GLTP: variants seen among roughly 807,000 people sequenced by gnomAD.
The protein encoded by GLTP is glycolipid transfer protein.
GLTP carries 22 observed loss-of-function variants against 24.0 expected under a neutral mutation model. The ratio of observed to expected loss-of-function variants is 0.92; its 90% CI spans 0.65 to 1.31. GLTP has a LOEUF of 1.31. GLTP is among the 50% of genes most tolerant of loss of function. GLTP has a pLI of 0.00. For synonymous variants in GLTP, 92 were observed against 115.9 expected, an observed-to-expected ratio of 0.79 and a Z score of 1.33; for missense variants, 224 against 276.6, an observed-to-expected ratio of 0.81 and a Z score of 1.35.
At chr12:109,853,926 T>A (rs1044631174) in intron 4 of GLTP, among the ~76,000 whole-genome samples, 12 of 151,250 alleles carry the variant, frequency 7.9e-5, no homozygotes, top group African/African-American at 2.4e-4. Flanking sequence ...GTATTTTTAG[T>A]AGAGATGGTG....
At chr12:109,852,921 A>G (rs1892745813) in intron 4 of GLTP, among the ~76,000 whole-genome samples, 184 bp from the exon 5 acceptor site, 1 of 150,880 alleles carries the variant, frequency 6.6e-6, no homozygotes, top group South Asian at 2.1e-4. Context: ...GAAGGACATC[A>G]GCTTTCGGGA....
At chr12:109,874,217 T>C (rs147398771) in intron 1 of GLTP, among the ~76,000 whole-genome samples, 2 of 152,298 alleles carry the variant, frequency 1.3e-5, no homozygotes, top group Non-Finnish European at 2.9e-5. Flanking sequence ...TAGTCTGGCT[T>C]TACTGGTCAC....
chr12:109,868,959 A>C, intron 1 of GLTP, among the ~76,000 whole-genome samples: 1 of 152,134 alleles, frequency 6.6e-6, no homozygotes, highest in East Asian at 1.9e-4. Flanking sequence ...TCTACTACCT[A>C]AAGAGGAAAG....
rs900334487 is a variant in GLTP, at chr12:109,857,698, G to A, written c.163-39C>T. On this transcript the variant is annotated intron_variant, in intron 2 of 4. Coordinates refer to ENST00000318348, the MANE Select transcript of GLTP (RefSeq NM_016433.4). This position sits in a 1 kb window ranked among gnomAD's most constrained non-coding sequence, Gnocchi z 4.3. ...CACAAGATTTCCCCTTGGGTAAGCT[G>A]CCCCCATAGACATCTGGCCCGCACG... 1 of 1,612,854 alleles carries A rather than the reference G, an allele frequency of 6.2e-7. No individual in the cohort carries two copies. The highest frequency in any genetic ancestry group is 8.5e-7 in the Non-Finnish European group (1 of 1,178,858).
chr12:109,877,753 C>A (rs536169400), intron 1 of GLTP, among the ~76,000 whole-genome samples: 1 of 152,230 alleles, frequency 6.6e-6, no homozygotes, highest in South Asian at 2.1e-4. Context: ...TGACCAGACG[C>A]TCCCAAGATC....
At chr12:109,865,276 A>C (rs895952053) in intron 1 of GLTP, among the ~76,000 whole-genome samples, 1 of 152,150 alleles carries the variant, frequency 6.6e-6, no homozygotes, top group African/African-American at 2.4e-5. Flanking sequence ...TTCAGGGAGA[A>C]AGGAAGCTGT....
chr12:109,857,945 G>T lies in GLTP; in HGVS notation c.163-286C>A. The T allele has an allele frequency of 2.1e-6, 1 of 465,146 alleles. No homozygotes were observed. Among genetic ancestry groups the T allele is most frequent in the Non-Finnish European group, 4.0e-6 (1 of 250,264 alleles). The allele number at this position is 465,146 out of a possible 1,614,324, so 28.8% of individuals were successfully genotyped here. On this transcript the variant is annotated intron_variant, in intron 2 of 4. Coordinates refer to ENST00000318348, the MANE Select transcript of GLTP (RefSeq NM_016433.4). The surrounding 1 kb of genome is among the most constrained non-coding windows in gnomAD (Gnocchi z 4.3). ...GAGGCTCACAGAGGAGCACGGACTT[G>T]CCCAAGGTCACACAGTTGGTACAGA...
At chr12:109,856,302 C>T (rs902198257) in intron 3 of GLTP, among the ~76,000 whole-genome samples, 3 of 152,208 alleles carry the variant, frequency 2.0e-5, no homozygotes, top group Non-Finnish European at 1.5e-5. Context: ...CCAATGGCCA[C>T]TCGAGCTTTT....
intron 1 of GLTP, among the ~76,000 whole-genome samples, chr12:109,859,000 C>T (rs1892838760): frequency 6.6e-6 from 1 of 152,180 alleles, no homozygotes; most frequent in South Asian, 2.1e-4. Flanking sequence ...AATAAACAAT[C>T]CAATCCTAAG....
chr12:109,871,153 G>C (rs919725215), intron 1 of GLTP, among the ~76,000 whole-genome samples: 1 of 139,470 alleles, frequency 7.2e-6, no homozygotes, highest in Non-Finnish European at 1.5e-5. Context: ...GCGTGATCTC[G>C]ACTCACTGTA....
rs1892721914 is a variant in GLTP, at chr12:109,851,489, G to T, written c.*1066C>A. ...GCAAACCACATGAGAATACACACCA[G>T]TTTGCTTTTTAAAAAATCCCACATA... On this transcript the variant is annotated 3_prime_UTR_variant, in exon 5 of 5. Coordinates refer to ENST00000318348, the MANE Select transcript of GLTP (RefSeq NM_016433.4). The T allele has an allele frequency of 6.6e-6, 1 of 152,136 alleles. No individual in the cohort carries two copies. Among genetic ancestry groups the T allele is most frequent in the South Asian group, 2.1e-4 (1 of 4,830 alleles). The allele number at this position is 152,136 out of a possible 1,614,324, so 9.4% of individuals were successfully genotyped here. A position where few individuals can be genotyped will look rare whatever the true frequency, so the allele number is the denominator to read the frequency against.
In GLTP at chr12:109,857,483, C is replaced by T; in HGVS notation, c.296+43G>A. 6.2e-7 allele frequency: 1 copy of T among 1,606,440 alleles called. No individual in the cohort carries two copies. The highest frequency in any genetic ancestry group is 8.5e-7 in the Non-Finnish European group (1 of 1,176,170). On this transcript the variant is annotated intron_variant, in intron 3 of 4. Coordinates refer to ENST00000318348, the MANE Select transcript of GLTP (RefSeq NM_016433.4). This position sits in a 1 kb window ranked among gnomAD's most constrained non-coding sequence, Gnocchi z 4.3. ...AACAGTGACAGGTTTGCTTTCCCTC[C>T]TCTGCAGCACAGAGCCCAGGCCCTG...
intron 1 of GLTP, among the ~76,000 whole-genome samples, chr12:109,863,001 G>A (rs1385242349): frequency 3.3e-5 from 5 of 149,312 alleles, no homozygotes; most frequent in African/African-American, 4.9e-5. Context: ...GCAGTGAGCC[G>A]AGACTGCGCC....
At position 109,880,272 on chromosome 12, in the gene GLTP, C is replaced by A; in HGVS notation, c.103G>T (p.Asp35Tyr). Residue 35 changes from aspartate to tyrosine, a missense_variant and splice_region_variant, in exon 1 of 5, where the codon GAT becomes TAT. By Grantham distance (160) the Asp-to-Tyr change is radical (BLOSUM62 -3). Coordinates refer to ENST00000318348, the MANE Select transcript of GLTP (RefSeq NM_016433.4). This position sits in a 1 kb window ranked among gnomAD's most constrained non-coding sequence, Gnocchi z 5.1. ...EAVSHLPPFF[D>Y]CLGSPVFTPI... is the part of the protein sequence containing the mutation. Reference sequence around the variant, plus strand: ...GCCTCCCCCCTCCATTCCGGCTCACCGAAGAAGGGCGGCAGGTGGGACACC... The same window carrying A: ...GCCTCCCCCCTCCATTCCGGCTCACAGAAGAAGGGCGGCAGGTGGGACACC... 1 of 1,584,038 alleles carries A rather than the reference C, an allele frequency of 6.3e-7. No homozygotes were observed. Among genetic ancestry groups the A allele is most frequent in the South Asian group, 1.1e-5 (1 of 89,852 alleles).
chr12:109,853,008 G>C (rs1892747465), intron 4 of GLTP, among the ~76,000 whole-genome samples: 3 of 152,196 alleles, frequency 2.0e-5, no homozygotes. Flanking sequence ...TAGCCTCTCT[G>C]AGCTTCAGCT....
At chr12:109,872,240 T>C (rs1868740552) in intron 1 of GLTP, among the ~76,000 whole-genome samples, 1 of 152,250 alleles carries the variant, frequency 6.6e-6, no homozygotes, top group South Asian at 2.1e-4. Context: ...TTGGTGCTCC[T>C]GCCTGGACTC....
intron 1 of GLTP, among the ~76,000 whole-genome samples, chr12:109,862,146 A>G (rs941503265): frequency 6.6e-6 from 1 of 152,168 alleles, no homozygotes; most frequent in African/African-American, 2.4e-5. Flanking sequence ...TGGTCACGTC[A>G]GAGGCTGCTC....
At chr12:109,859,696 G>GT (rs879434585) in intron 1 of GLTP, 64 of 151,442 alleles carry the variant, frequency 4.2e-4, no homozygotes, top group African/African-American at 1.0e-3. Flanking sequence ...TGTACAATGT[G>GT]TTTTTTTTTA....
intron 1 of GLTP, among the ~76,000 whole-genome samples, chr12:109,868,699 T>C (rs151090757): frequency 3.3e-4 from 50 of 152,306 alleles, no homozygotes; most frequent in African/African-American, 1.1e-3. Context: ...GGAGGTTCTA[T>C]TGCAAATTCA....
Sources: allele counts gnomAD v4.1 joint callset (sites outside exome capture counted in the v4.1 genomes callset), GRCh38; gene constraint gnomAD v4.1.1; non-coding constraint Gnocchi (gnomAD v3.1); transcripts MANE v1.5; gene names NCBI Gene and HGNC (gene_info 2026-07-23, HGNC 2026-07-21).